The following ANKS1B variants were observed in gnomAD, a reference collection of about 807,000 sequenced individuals.
The protein encoded by ANKS1B is ankyrin repeat and sterile alpha motif domain containing 1B, also known as ankyrin repeat and sterile alpha motif domain-containing protein 1B.
Under a neutral mutation model 148.3 loss-of-function variants are expected in ANKS1B, and 36 were observed. The observed-to-expected ratio is 0.24, with a 90% CI of 0.19 to 0.32. ANKS1B has a LOEUF of 0.32. ANKS1B is among the 10% of genes least tolerant of loss of function. The pLI is 1.00. For synonymous variants in ANKS1B, 542 were observed against 560.8 expected, an observed-to-expected ratio of 0.97 and a Z score of 0.47; for missense variants, 1,157 against 1,542.6, an observed-to-expected ratio of 0.75 and a Z score of 4.19.
chr12:99,564,096 T>C (rs185722864), intron 9 of ANKS1B, among the ~76,000 whole-genome samples: 2 of 152,288 alleles, frequency 1.3e-5, no homozygotes, highest in Non-Finnish European at 2.9e-5. Context: ...TCTTGCACCA[T>C]TACAAACAGG....
chr12:99,092,619 G>C (rs2054444315), intron 15 of ANKS1B, among the ~76,000 whole-genome samples: 1 of 152,122 alleles, frequency 6.6e-6, no homozygotes, highest in Admixed American at 6.6e-5. Flanking sequence ...TGGACACCTT[G>C]CTCCGAACAG....
intron 1 of ANKS1B, among the ~76,000 whole-genome samples, chr12:99,852,085 A>T (rs2087965795): frequency 6.6e-6 from 1 of 152,242 alleles, no homozygotes; most frequent in African/African-American, 2.4e-5. Context: ...CACATCAAGC[A>T]AATAATGGTA....
intron 17 of ANKS1B, among the ~76,000 whole-genome samples, chr12:98,964,785 G>A (rs1280971217): frequency 6.6e-6 from 1 of 152,142 alleles, no homozygotes; most frequent in Non-Finnish European, 1.5e-5. Flanking sequence ...ATAGAGAGTA[G>A]AATGATGGTT....
At chr12:98,795,577 GT>G (rs1324199846) in intron 22 of ANKS1B, 10 of 437,078 alleles carry the variant, frequency 2.3e-5, no homozygotes, top group Non-Finnish European at 4.0e-5. Flanking sequence ...TTATTATGTG[GT>G]TTTCTTTTAA....
intron 14 of ANKS1B, among the ~76,000 whole-genome samples, chr12:99,159,654 G>T (rs775343475): frequency 6.6e-6 from 1 of 152,074 alleles, no homozygotes; most frequent in East Asian, 1.9e-4. Context: ...GGTTGATGCC[G>T]TGTCTTTGTT....
At chr12:99,973,000 T>G (rs928082346) in intron 1 of ANKS1B, among the ~76,000 whole-genome samples, 1 of 152,276 alleles carries the variant, frequency 6.6e-6, no homozygotes, top group South Asian at 2.1e-4. Flanking sequence ...AGCACATCTG[T>G]TTGTAGCATG....
At chr12:99,546,449 A>G (rs1440057391) in intron 9 of ANKS1B, among the ~76,000 whole-genome samples, 1 of 152,192 alleles carries the variant, frequency 6.6e-6, no homozygotes, top group Non-Finnish European at 1.5e-5. Context: ...TAGTCACTCT[A>G]GAAGTCCTAA....
rs1195564090 is a variant in ANKS1B, at chr12:99,681,164, C to T, written c.1129-25954G>A. 2.6e-5 allele frequency among the ~76,000 whole-genome samples: 4 copies of T among 152,270 alleles called. No homozygotes were observed. The South Asian group carries it at 8.3e-4, about 32-fold the overall frequency. ...CTTATCCAGGCAACCTTAAAGCAAG[C>T]TTGTATACCCCTATACTATGCAGTT... On this transcript the variant is annotated intron_variant, in intron 8 of 26. Transcript: ENST00000683438.
chr12:98,867,153 GGAGTA>G (rs1284906050), intron 17 of ANKS1B, among the ~76,000 whole-genome samples: 1 of 152,170 alleles, frequency 6.6e-6, no homozygotes, highest in African/African-American at 2.4e-5. Flanking sequence ...GCCACCCAGA[GGAGTA>G]GAGTAATGAT....
chr12:99,070,849 G>C (rs889050396), intron 16 of ANKS1B, among the ~76,000 whole-genome samples: 2 of 152,052 alleles, frequency 1.3e-5, no homozygotes, highest in Non-Finnish European at 2.9e-5. Flanking sequence ...TTTTTTTGGA[G>C]AGACAGGGTC....
chr12:99,154,873 A>G (rs1408027600), intron 14 of ANKS1B: 1 of 1,534,622 alleles, frequency 6.5e-7, no homozygotes, highest in Non-Finnish European at 8.7e-7. Flanking sequence ...TACCCAGCCC[A>G]GGCTACACCT....
intron 17 of ANKS1B, among the ~76,000 whole-genome samples, chr12:98,936,250 T>A (rs2099818515): frequency 6.6e-6 from 1 of 152,218 alleles, no homozygotes; most frequent in Non-Finnish European, 1.5e-5. Flanking sequence ...GAAAGCATAT[T>A]CTGTGGCAAT....
chr12:99,836,409 T>C lies in ANKS1B; in HGVS notation c.135-11020A>G, dbSNP rs569536171. Among the ~76,000 whole-genome samples, 109 of 152,198 alleles carry C rather than the reference T, an allele frequency of 7.2e-4. 1 individual carries two copies. Among genetic ancestry groups the C allele is most frequent in the African/African-American group, 2.6e-3 (109 of 41,524 alleles). On this transcript the variant is annotated intron_variant, in intron 1 of 26. Coordinates refer to ENST00000683438, the MANE Select transcript of ANKS1B (RefSeq NM_001352186.2). The stretch of plus-strand genomic sequence containing the variant: ...TTTTACAAAAAGCACATCAGGAGCA[T>C]CATAGTCAAAATCGTACTAACTAAA...
At chr12:98,952,966 C>G (rs1261648514) in intron 17 of ANKS1B, among the ~76,000 whole-genome samples, 5 of 152,032 alleles carry the variant, frequency 3.3e-5, no homozygotes, top group Non-Finnish European at 7.4e-5. Flanking sequence ...TCAAGTGATC[C>G]TCCTGCCTCA....
At chr12:99,557,322 G>A (rs559001339) in intron 9 of ANKS1B, among the ~76,000 whole-genome samples, 1 of 151,778 alleles carries the variant, frequency 6.6e-6, no homozygotes, top group East Asian at 1.9e-4. Flanking sequence ...TCATAGATTT[G>A]GTCTCCCATA....
chr12:99,381,980 A>G (rs1366108672), intron 12 of ANKS1B, among the ~76,000 whole-genome samples: 2 of 152,234 alleles, frequency 1.3e-5, no homozygotes, highest in Non-Finnish European at 2.9e-5. Context: ...ATACAAATCT[A>G]AAAAGTCAGT....
At chr12:99,866,248 C>T (rs1029642875) in intron 1 of ANKS1B, among the ~76,000 whole-genome samples, 11 of 152,116 alleles carry the variant, frequency 7.2e-5, no homozygotes, top group African/African-American at 2.7e-4. Context: ...CTAACTTTGT[C>T]CCTGGTCTTT....
At chr12:99,711,519 C>A (rs1387477104) in intron 8 of ANKS1B, among the ~76,000 whole-genome samples, 3 of 151,974 alleles carry the variant, frequency 2.0e-5, no homozygotes, top group African/African-American at 4.8e-5. Context: ...GAGCAAACAA[C>A]CACATTTAAA....
chr12:99,705,882 A>G (rs1033536770), intron 8 of ANKS1B, among the ~76,000 whole-genome samples: 6 of 152,116 alleles, frequency 3.9e-5, no homozygotes, highest in African/African-American at 1.4e-4. Context: ...AGAAAAGATG[A>G]ATCTGGAATT....
Sources: allele counts gnomAD v4.1 joint callset (sites outside exome capture counted in the v4.1 genomes callset), GRCh38; gene constraint gnomAD v4.1.1; transcripts MANE v1.5; gene names NCBI Gene and HGNC (gene_info 2026-07-23, HGNC 2026-07-21).